The following DCDC2C variants were observed in gnomAD, a reference collection of about 807,000 sequenced individuals.
DCDC2C encodes the protein doublecortin domain-containing protein 2C.
A neutral mutation model predicts 45.0 loss-of-function variants in DCDC2C; 44 were observed. The observed-to-expected ratio is 0.98, with a 90% CI of 0.77 to 1.26. The LOEUF (loss-of-function observed/expected upper bound fraction) is 1.26. Among genes scored for constraint, DCDC2C ranks in the 50% most tolerant of loss-of-function variants. The pLI is 0.00. For missense variants in DCDC2C, 447 were observed against 468.9 expected (o/e 0.95, Z 0.43); for synonymous variants, 187 against 178.8 (o/e 1.05, Z -0.37).
At chr2:3,777,419 T>A (rs1670373888) in intron 8 of DCDC2C, among the ~76,000 whole-genome samples, 1 of 152,208 alleles carries the variant, frequency 6.6e-6, no homozygotes, top group Non-Finnish European at 1.5e-5. Flanking sequence ...CACAATCACT[T>A]GTGTCTTCTG....
chr2:3,770,034 G>T (rs1670121455), intron 8 of DCDC2C, among the ~76,000 whole-genome samples: 1 of 152,176 alleles, frequency 6.6e-6, no homozygotes, highest in Non-Finnish European at 1.5e-5. Context: ...GTCAGGCCAG[G>T]GTTCCAGCCC....
chr2:3,708,456 T>C lies in DCDC2C; in HGVS notation c.288-93T>C. On this transcript the variant is annotated intron_variant, in intron 1 of 10. Coordinates refer to ENST00000399143, the MANE Select transcript of DCDC2C (RefSeq NM_001287444.2). ...CCAAATTGCTGTGGGGTTGTATCTATTAAGCCGGAAAAGGACTCGTTTCTA... is the reference window on the plus strand; with the variant it reads ...CCAAATTGCTGTGGGGTTGTATCTACTAAGCCGGAAAAGGACTCGTTTCTA... The C allele has an allele frequency of 3.1e-6, 3 of 977,386 alleles. No individual in the cohort carries two copies. The African/African-American group carries it at 5.0e-5, about 16-fold the overall frequency. 60.5% of individuals were successfully genotyped at this position (977,386 alleles called of 1,614,324 possible).
chr2:3,842,637 T>A (rs367586992), intron 10 of DCDC2C, among the ~76,000 whole-genome samples: 3 of 139,250 alleles, frequency 2.2e-5, no homozygotes, highest in Admixed American at 7.2e-5. Context: ...TAATTTGCAG[T>A]AAAAAAAAAA....
intron 10 of DCDC2C, among the ~76,000 whole-genome samples, chr2:3,800,629 G>GTTTT (rs1671090451): frequency 4.0e-5 from 5 of 123,948 alleles, no homozygotes; most frequent in East Asian, 3.8e-4. Context: ...TGAGATAATC[G>GTTTT]TGTGGCTTCA....
intron 4 of DCDC2C, among the ~76,000 whole-genome samples, chr2:3,748,704 G>C (rs1317718251): frequency 6.6e-6 from 1 of 152,146 alleles, no homozygotes; most frequent in African/African-American, 2.4e-5. Context: ...GTTGGTGTTG[G>C]AGGAGGCACC....
At chr2:3,745,776 T>A (rs77659147) in intron 4 of DCDC2C, among the ~76,000 whole-genome samples, 7,137 of 152,240 alleles carry the variant, frequency 0.047, 200 homozygotes, top group East Asian at 0.11. Flanking sequence ...AGTGGCACAA[T>A]CACAGCTCAC....
At chr2:3,713,052 G>C (rs1304303911) in intron 2 of DCDC2C, among the ~76,000 whole-genome samples, 1 of 152,202 alleles carries the variant, frequency 6.6e-6, no homozygotes, top group African/African-American at 2.4e-5. Context: ...ACCATCTGCT[G>C]TTGGGTGGCT....
intron 3 of DCDC2C, among the ~76,000 whole-genome samples, chr2:3,736,473 C>T (rs1352864996): frequency 1.3e-5 from 2 of 152,160 alleles, no homozygotes; most frequent in Non-Finnish European, 2.9e-5. Context: ...TGCAGGGTGA[C>T]TTCTCCTGTT....
intron 10 of DCDC2C, among the ~76,000 whole-genome samples, chr2:3,820,814 T>A (rs982919987): frequency 2.0e-5 from 3 of 152,170 alleles, no homozygotes; most frequent in Non-Finnish European, 4.4e-5. Context: ...TTACCTCATT[T>A]GAAATTGGTG....
intron 2 of DCDC2C, among the ~76,000 whole-genome samples, chr2:3,723,926 AC>A (rs1330200859): frequency 6.6e-6 from 1 of 152,026 alleles, no homozygotes; most frequent in Non-Finnish European, 1.5e-5. Flanking sequence ...AGATAGAGGT[AC>A]CTGAACAGCC....
At chr2:3,704,229 C>G (rs542650466) in intron 1 of DCDC2C, 191 bp downstream of exon 1, 31 of 459,028 alleles carry the variant, frequency 6.8e-5, no homozygotes, top group African/African-American at 6.1e-4. Flanking sequence ...GGGGGCGAAG[C>G]CGAGGCAGCC....
chr2:3,735,401 C>T (rs994311665), intron 3 of DCDC2C, among the ~76,000 whole-genome samples: 1 of 151,970 alleles, frequency 6.6e-6, no homozygotes, highest in Non-Finnish European at 1.5e-5. Context: ...TCTCCTAAAG[C>T]TATCCCTCCC....
intron 6 of DCDC2C, among the ~76,000 whole-genome samples, chr2:3,764,591 C>G (rs546506864): frequency 6.6e-6 from 1 of 152,320 alleles, no homozygotes; most frequent in South Asian, 2.1e-4. Flanking sequence ...ACTTCCCCAG[C>G]CATGTGGAAC....
intron 10 of DCDC2C, among the ~76,000 whole-genome samples, chr2:3,808,612 G>A (rs774364167): frequency 2.6e-5 from 4 of 152,126 alleles, no homozygotes; most frequent in East Asian, 1.9e-4. Context: ...GGATGGTCTC[G>A]ATCTCCTGAC....
intron 10 of DCDC2C, among the ~76,000 whole-genome samples, chr2:3,838,006 G>T (rs1005482547): frequency 3.3e-5 from 5 of 152,186 alleles, no homozygotes; most frequent in Non-Finnish European, 7.3e-5. Context: ...GGGAGGTGGA[G>T]CTTTAAAGAA....
chr2:3,704,709 AGGGGGGAGGGGCGT>A (rs1319730494), intron 1 of DCDC2C, among the ~76,000 whole-genome samples: 25 of 22,594 alleles, frequency 1.1e-3, no homozygotes, highest in Admixed American at 1.8e-3. Flanking sequence ...GGGGAGGGGG[AGGGGGGAGGGGCGT>A]GGGGGGGAGG....
rs772610318 is a variant in DCDC2C at position 3,769,428 on chromosome 2, C to G, written c.954+17C>G. 6.5e-7 allele frequency: 1 copy of G among 1,547,762 alleles called. No individual in the cohort carries two copies. Among genetic ancestry groups the G allele is most frequent in the Non-Finnish European group, 8.7e-7 (1 of 1,144,844 alleles). ...GTGGACCAGGTGGGTGTCCGGGGTC[C>G]GATGTCCATGCCGTCTTCACTCCAT... On this transcript the variant is annotated intron_variant, in intron 8 of 10. Coordinates refer to ENST00000399143, the MANE Select transcript of DCDC2C (RefSeq NM_001287444.2).
chr2:3,826,137 T>A (rs1671809409), intron 10 of DCDC2C, among the ~76,000 whole-genome samples: 2 of 152,190 alleles, frequency 1.3e-5, no homozygotes, highest in African/African-American at 2.4e-5. Flanking sequence ...TAAGATCCTC[T>A]TGTAAACAGC....
intron 10 of DCDC2C, among the ~76,000 whole-genome samples, chr2:3,815,937 G>A (rs1233428763): frequency 1.3e-5 from 2 of 152,188 alleles, no homozygotes; most frequent in African/African-American, 2.4e-5. Context: ...TGACATTCCT[G>A]TCTTCTTATA....
Sources: gnomAD v4.1 joint callset for allele counts (sites outside exome capture counted in the v4.1 genomes callset) on GRCh38, gnomAD v4.1.1 for gene constraint, MANE v1.5 for transcripts, NCBI Gene and HGNC (gene_info 2026-07-23, HGNC 2026-07-21) for gene names.